Variants in CTNNA3 observed in about 807,000 individuals in gnomAD.
The protein encoded by CTNNA3 is catenin alpha 3.
In CTNNA3, 76 loss-of-function variants were observed where a neutral mutation model predicts 95.7. The ratio of observed to expected loss-of-function variants is 0.79; its 90% CI spans 0.66 to 0.96. The LOEUF (loss-of-function observed/expected upper bound fraction) is 0.96, where lower values mean the gene tolerates loss of function less well. CTNNA3 is among the 40% of genes least tolerant of loss of function. The pLI is 0.00. For missense variants in CTNNA3, 1,191 were observed against 1,089.8 expected (o/e 1.09, Z -1.31); for synonymous variants, 431 against 374.4 (o/e 1.15, Z -1.74).
At chr10:66,511,726 A>G (rs1196398255) in intron 11 of CTNNA3, among the ~76,000 whole-genome samples, 1 of 151,938 alleles carries the variant, frequency 6.6e-6, no homozygotes, top group Non-Finnish European at 1.5e-5. Flanking sequence ...ACCTGAGAAT[A>G]CATGGTATAA....
chr10:66,381,138 T>C (rs2092835306), intron 11 of CTNNA3, among the ~76,000 whole-genome samples: 1 of 152,222 alleles, frequency 6.6e-6, no homozygotes, highest in Admixed American at 6.5e-5. Context: ...ATCTGGCTTC[T>C]ATTATTCTGT....
chr10:66,134,609 T>A (rs2083265939), intron 13 of CTNNA3, among the ~76,000 whole-genome samples: 1 of 152,112 alleles, frequency 6.6e-6, no homozygotes, highest in South Asian at 2.1e-4. Flanking sequence ...ATATTTGCTT[T>A]CAAACAGAAA....
chr10:66,552,703 C>A (rs1842256722), intron 10 of CTNNA3, among the ~76,000 whole-genome samples: 1 of 151,490 alleles, frequency 6.6e-6, no homozygotes, highest in South Asian at 2.1e-4. Context: ...TATAATTTTT[C>A]TTTTTGAAAG....
intron 7 of CTNNA3, among the ~76,000 whole-genome samples, chr10:66,859,662 C>T (rs1484019142): frequency 7.0e-6 from 1 of 142,998 alleles, no homozygotes; most frequent in African/African-American, 2.6e-5. Context: ...CATCCCATTA[C>T]TGGGTATATA....
chr10:67,692,150 C>G (rs76925761), intron 1 of CTNNA3, among the ~76,000 whole-genome samples: 1 of 150,196 alleles, frequency 6.7e-6, no homozygotes, highest in African/African-American at 2.5e-5. Context: ...CAGCCGCCCC[C>G]TCTGGGAGGT....
chr10:66,543,688 C>G (rs1841938172), intron 10 of CTNNA3, among the ~76,000 whole-genome samples: 1 of 151,268 alleles, frequency 6.6e-6, no homozygotes, highest in Non-Finnish European at 1.5e-5. Flanking sequence ...TCTCTTAGAG[C>G]TGATTCAAAA....
intron 7 of CTNNA3, among the ~76,000 whole-genome samples, chr10:66,818,458 C>G (rs1589290105): frequency 6.6e-6 from 1 of 152,176 alleles, no homozygotes; most frequent in Non-Finnish European, 1.5e-5. Context: ...AAAATCATCT[C>G]TATATCTATA....
At chr10:67,503,797 T>C (rs1475683873) in intron 5 of CTNNA3, among the ~76,000 whole-genome samples, 1 of 152,234 alleles carries the variant, frequency 6.6e-6, no homozygotes, top group African/African-American at 2.4e-5. Context: ...TAACTTTTTA[T>C]AGCAGCACTG....
intron 7 of CTNNA3, among the ~76,000 whole-genome samples, chr10:66,840,408 A>ACC (rs1160896711): frequency 5.1e-5 from 6 of 118,732 alleles, no homozygotes; most frequent in East Asian, 2.5e-4. Context: ...ACACACACAC[A>ACC]CACCCCTCGG....
chr10:66,487,626 C>T (rs941876599), intron 11 of CTNNA3, among the ~76,000 whole-genome samples: 2 of 152,130 alleles, frequency 1.3e-5, no homozygotes, highest in African/African-American at 4.8e-5. Flanking sequence ...TTGTGGTAAT[C>T]AGTTCACATC....
intron 15 of CTNNA3, among the ~76,000 whole-genome samples, chr10:66,056,694 T>A (rs1389226470): frequency 6.6e-6 from 1 of 152,204 alleles, no homozygotes; most frequent in Non-Finnish European, 1.5e-5. Flanking sequence ...TCTGTTAATA[T>A]CTCAATACTT....
intron 7 of CTNNA3, 80 bp downstream of exon 7, chr10:67,180,237 G>T: frequency 1.7e-6 from 2 of 1,170,956 alleles, no homozygotes; most frequent in Non-Finnish European, 2.5e-6. Context: ...ACCCTATTTT[G>T]TATACGGAAA....
intron 12 of CTNNA3, among the ~76,000 whole-genome samples, chr10:66,311,617 T>A (rs987708055): frequency 6.6e-5 from 10 of 152,300 alleles, no homozygotes; most frequent in African/African-American, 2.4e-4. Flanking sequence ...CCACCACGTG[T>A]GTGATGTGTA....
chr10:66,365,449 T>C (rs916454049), intron 12 of CTNNA3, among the ~76,000 whole-genome samples: 9 of 152,122 alleles, frequency 5.9e-5, no homozygotes, highest in African/African-American at 1.9e-4. Context: ...GTTGGGTTGA[T>C]GAGTGCAGCA....
intron 11 of CTNNA3, among the ~76,000 whole-genome samples, chr10:66,515,265 ATATC>A (rs10606169): frequency 0.11 from 15,683 of 145,922 alleles, 1,278 homozygotes; most frequent in African/African-American, 0.23. Flanking sequence ...CTTATTCCCT[ATATC>A]TATCTATCTA....
intron 7 of CTNNA3, among the ~76,000 whole-genome samples, chr10:66,964,171 G>A (rs1849275629): frequency 6.6e-6 from 1 of 151,864 alleles, no homozygotes; most frequent in African/African-American, 2.4e-5. Context: ...TCTGTCCACA[G>A]TAACATCGTA....
chr10:66,314,679 G>C (rs1291585944), intron 12 of CTNNA3, among the ~76,000 whole-genome samples: 4 of 152,070 alleles, frequency 2.6e-5, no homozygotes, highest in Non-Finnish European at 5.9e-5. Flanking sequence ...GAATAAAATA[G>C]AGTAGAACTT....
intron 7 of CTNNA3, among the ~76,000 whole-genome samples, chr10:67,090,234 A>G (rs980704716): frequency 2.0e-5 from 3 of 152,042 alleles, no homozygotes; most frequent in Non-Finnish European, 4.4e-5. Flanking sequence ...GTATTGGTCA[A>G]TATGTGTGTA....
chr10:66,789,009 C>T (rs1409881600), intron 7 of CTNNA3, among the ~76,000 whole-genome samples: 1 of 152,050 alleles, frequency 6.6e-6, no homozygotes, highest in African/African-American at 2.4e-5. Context: ...TAGGAAGAAT[C>T]GTGTCTAATA....
Sources: allele counts gnomAD v4.1 joint callset (sites outside exome capture counted in the v4.1 genomes callset), GRCh38; gene constraint gnomAD v4.1.1; transcripts MANE v1.5; gene names NCBI Gene and HGNC (gene_info 2026-07-23, HGNC 2026-07-21).